MCTP1: variants seen among roughly 807,000 people sequenced by gnomAD.
MCTP1 encodes multiple C2 and transmembrane domain-containing protein 1.
In MCTP1, 69 loss-of-function variants were observed where a neutral mutation model predicts 120.6. That is an observed-to-expected ratio of 0.57 (90% CI 0.47 to 0.70). The LOEUF (loss-of-function observed/expected upper bound fraction) is 0.70, where lower values mean the gene tolerates loss of function less well. Among genes scored for constraint, MCTP1 ranks in the 30% least tolerant of loss-of-function variants. The pLI is 0.00. For synonymous variants in MCTP1, 529 were observed against 493.1 expected (o/e 1.07, Z -0.96); for missense variants, 1,203 against 1,248.8 (o/e 0.96, Z 0.55).
intron 1 of MCTP1, among the ~76,000 whole-genome samples, chr5:95,193,372 C>A (rs1013074624): frequency 6.6e-6 from 1 of 152,056 alleles, no homozygotes; most frequent in Non-Finnish European, 1.5e-5. Context: ...TTTCTATTTA[C>A]AACATACTTT....
intron 1 of MCTP1, among the ~76,000 whole-genome samples, chr5:95,218,276 A>G (rs1482828786): frequency 6.6e-6 from 1 of 152,238 alleles, no homozygotes; most frequent in Non-Finnish European, 1.5e-5. Context: ...TGGTTAAGTC[A>G]ATGGGGGCAG....
At chr5:95,080,867 T>A (rs1252704390) in intron 1 of MCTP1, among the ~76,000 whole-genome samples, 2 of 152,170 alleles carry the variant, frequency 1.3e-5, no homozygotes, top group African/African-American at 4.8e-5. Flanking sequence ...ACAAACAGAA[T>A]AATCAGAAGT....
At chr5:95,063,904 C>T (rs572648175) in intron 1 of MCTP1, among the ~76,000 whole-genome samples, 12 of 152,272 alleles carry the variant, frequency 7.9e-5, no homozygotes, top group African/African-American at 2.9e-4. Context: ...CCAATTATAA[C>T]AAGTCAAATA....
intron 17 of MCTP1, among the ~76,000 whole-genome samples, chr5:94,837,284 G>A (rs1331531991): frequency 6.6e-6 from 1 of 152,156 alleles, no homozygotes; most frequent in African/African-American, 2.4e-5. Context: ...GGGAGGCTGA[G>A]GTAGGAGGAT....
intron 18 of MCTP1, among the ~76,000 whole-genome samples, chr5:94,782,323 C>A (rs1776743227): frequency 1.3e-5 from 2 of 151,922 alleles, no homozygotes; most frequent in African/African-American, 2.4e-5. Context: ...TTTCACTGAC[C>A]ATAAGAAACA....
At chr5:94,952,191 A>AAAAAAAAAAAAAAAAAC (rs1820800460) in intron 3 of MCTP1, among the ~76,000 whole-genome samples, 1 of 142,620 alleles carries the variant, frequency 7.0e-6, no homozygotes, top group Non-Finnish European at 1.5e-5. Context: ...AAAAAAAAAA[A>AAAAAAAAAAAAAAAAAC]AAGCTATTGA....
intron 11 of MCTP1, among the ~76,000 whole-genome samples, chr5:94,889,245 A>G (rs921492752): frequency 6.6e-6 from 1 of 152,190 alleles, no homozygotes; most frequent in African/African-American, 2.4e-5. Flanking sequence ...GTAGTTTTAC[A>G]TAAGCAAAAT....
chr5:95,187,685 C>G (rs531808307), intron 1 of MCTP1, among the ~76,000 whole-genome samples: 1 of 152,258 alleles, frequency 6.6e-6, no homozygotes, highest in East Asian at 1.9e-4. Context: ...CAGGCGTGAG[C>G]CACCGCGCCT....
chr5:95,119,553 G>T (rs551174820), intron 1 of MCTP1, among the ~76,000 whole-genome samples: 1 of 151,856 alleles, frequency 6.6e-6, no homozygotes, highest in Non-Finnish European at 1.5e-5. Flanking sequence ...AGTTTGAAAC[G>T]AAGAAAACAA....
At chr5:95,253,396 A>G (rs1207393185) in intron 1 of MCTP1, among the ~76,000 whole-genome samples, 1 of 152,164 alleles carries the variant, frequency 6.6e-6, no homozygotes, top group African/African-American at 2.4e-5. Context: ...TAATAATTCC[A>G]TTCAAAACAA....
intron 1 of MCTP1, among the ~76,000 whole-genome samples, chr5:95,171,677 T>TA (rs939589121): frequency 1.3e-5 from 2 of 152,240 alleles, no homozygotes; most frequent in African/African-American, 4.8e-5. Flanking sequence ...CCATCGCTGG[T>TA]ACCCTTTCTT....
At chr5:94,771,128 T>G (rs1011932117) in intron 19 of MCTP1, among the ~76,000 whole-genome samples, 4 of 152,338 alleles carry the variant, frequency 2.6e-5, no homozygotes, top group African/African-American at 7.2e-5. Flanking sequence ...AATTTGTATT[T>G]ATCTCAGGTG....
intron 1 of MCTP1, among the ~76,000 whole-genome samples, chr5:95,172,778 CTTACT>C (rs1237519519): frequency 6.6e-6 from 1 of 152,112 alleles, no homozygotes; most frequent in East Asian, 1.9e-4. Flanking sequence ...GTGCCATTTC[CTTACT>C]TTAAAGCCAA....
chr5:95,000,090 C>A (rs1198055534), intron 2 of MCTP1, among the ~76,000 whole-genome samples: 1 of 152,166 alleles, frequency 6.6e-6, no homozygotes, highest in Non-Finnish European at 1.5e-5. Flanking sequence ...GGTGGTCCCA[C>A]AAGATTATCA....
intron 19 of MCTP1, among the ~76,000 whole-genome samples, chr5:94,738,977 T>C (rs143292794): frequency 6.6e-6 from 1 of 152,234 alleles, no homozygotes; most frequent in African/African-American, 2.4e-5. Context: ...TGTGATCTTT[T>C]CAACAGCAGC....
At chr5:94,893,110 T>C (rs1803061409) in intron 11 of MCTP1, among the ~76,000 whole-genome samples, 1 of 152,198 alleles carries the variant, frequency 6.6e-6, no homozygotes, top group Non-Finnish European at 1.5e-5. Flanking sequence ...ATCCGCATAA[T>C]ATTTTACATT....
At chr5:94,917,033 G>T (rs1228469060) in intron 8 of MCTP1, among the ~76,000 whole-genome samples, 3 of 152,160 alleles carry the variant, frequency 2.0e-5, no homozygotes, top group Non-Finnish European at 4.4e-5. Context: ...AAGCATATTG[G>T]TCTAGATATT....
chr5:94,803,457 A>G (rs1781609206), intron 17 of MCTP1, among the ~76,000 whole-genome samples: 1 of 152,212 alleles, frequency 6.6e-6, no homozygotes, highest in Admixed American at 6.5e-5. Context: ...TCTAGTCACC[A>G]GCTTTGGGAC....
At chr5:94,986,367 TTG>T (rs1301799460) in intron 2 of MCTP1, among the ~76,000 whole-genome samples, 2 of 152,284 alleles carry the variant, frequency 1.3e-5, no homozygotes, top group African/African-American at 4.8e-5. Context: ...ACCCACTGGT[TTG>T]TGTAATCCTG....
Sources: gnomAD v4.1 joint callset for allele counts (sites outside exome capture counted in the v4.1 genomes callset) on GRCh38, gnomAD v4.1.1 for gene constraint, MANE v1.5 for transcripts, NCBI Gene and HGNC (gene_info 2026-07-23, HGNC 2026-07-21) for gene names.